The following RALGAPA2 variants were observed in gnomAD, a reference collection of about 807,000 sequenced individuals.
RALGAPA2 encodes ral GTPase-activating protein subunit alpha-2.
Under a neutral mutation model 230.4 loss-of-function variants are expected in RALGAPA2, and 139 were observed. The observed-to-expected ratio is 0.60, with a 90% CI of 0.53 to 0.69. The LOEUF is 0.69. RALGAPA2 is among the 30% of genes least tolerant of loss of function. The pLI is 0.00. For synonymous variants in RALGAPA2, 847 were observed against 837.8 expected, an observed-to-expected ratio of 1.01 and a Z score of -0.19; for missense variants, 2,163 against 2,276.0, an observed-to-expected ratio of 0.95 and a Z score of 1.01.
intron 5 of RALGAPA2, among the ~76,000 whole-genome samples, chr20:20,641,477 T>C (rs2067028507): frequency 6.6e-6 from 1 of 152,230 alleles, no homozygotes; most frequent in Non-Finnish European, 1.5e-5. Context: ...TTATACCTTA[T>C]GTCCCTATTC....
rs531816057 is a variant in RALGAPA2, at chr20:20,540,452, G to A, written c.3286-3668C>T. ...TATGTGCTAAAGACCAAGCAAATTC[G>A]ATACCGTCAGAAAGCTTAAAAGATA... On this transcript the variant is annotated intron_variant, in intron 24 of 39. Transcript: ENST00000202677. Among the ~76,000 whole-genome samples the A allele has an allele frequency of 2.0e-4, 31 of 152,242 alleles. No homozygotes were observed. The South Asian group carries it at 5.4e-3, about 27-fold the overall frequency.
At chr20:20,669,816 C>T (rs1350039436) in intron 3 of RALGAPA2, among the ~76,000 whole-genome samples, 5 of 152,142 alleles carry the variant, frequency 3.3e-5, no homozygotes, top group Non-Finnish European at 2.9e-5. Flanking sequence ...TGTTTCTGTG[C>T]CTTACCACAC....
chr20:20,399,234 C>T (rs1202549348), intron 38 of RALGAPA2, among the ~76,000 whole-genome samples: 1 of 150,946 alleles, frequency 6.6e-6, no homozygotes, highest in Non-Finnish European at 1.5e-5. Flanking sequence ...GTAATCCCAG[C>T]TACTTGGGAG....
At chr20:20,461,426 A>G (rs1199213908) in intron 37 of RALGAPA2, among the ~76,000 whole-genome samples, 1 of 152,232 alleles carries the variant, frequency 6.6e-6, no homozygotes, top group Admixed American at 6.5e-5. Context: ...AAGAAAACAC[A>G]CATCACAGCT....
At position 20,393,204 on chromosome 20, in the gene RALGAPA2, C is replaced by T; in HGVS notation, c.*85G>A. Reference sequence around the variant, plus strand: ...GCAGGAGAGGGTGTTCTGTCTCCTCCTCACTCAGGGGCTCTTCGAGGTCAG... The same window carrying T: ...GCAGGAGAGGGTGTTCTGTCTCCTCTTCACTCAGGGGCTCTTCGAGGTCAG... On this transcript the variant is annotated 3_prime_UTR_variant, in exon 40 of 40. Coordinates refer to ENST00000202677, the MANE Select transcript of RALGAPA2 (RefSeq NM_020343.4). 1.5e-6 allele frequency: 2 copies of T among 1,351,152 alleles called. No individual in the cohort carries two copies. The highest frequency in any genetic ancestry group is 1.2e-5 in the South Asian group (1 of 85,012). 83.7% of individuals were successfully genotyped at this position (1,351,152 alleles called of 1,614,324 possible).
chr20:20,494,208 T>G (rs2062140919), intron 36 of RALGAPA2, among the ~76,000 whole-genome samples: 1 of 152,222 alleles, frequency 6.6e-6, no homozygotes, highest in Non-Finnish European at 1.5e-5. Context: ...ATATGAACAA[T>G]AAATCTGTTG....
chr20:20,652,713 G>T (rs2067446769), intron 4 of RALGAPA2, among the ~76,000 whole-genome samples: 1 of 152,192 alleles, frequency 6.6e-6, no homozygotes, highest in Admixed American at 6.5e-5. Flanking sequence ...CAGAATTCAC[G>T]ATTGATTTCC....
At chr20:20,429,393 C>T (rs1399352734) in intron 37 of RALGAPA2, among the ~76,000 whole-genome samples, 1 of 152,122 alleles carries the variant, frequency 6.6e-6, no homozygotes, top group Non-Finnish European at 1.5e-5. Context: ...TCTTCTTTCT[C>T]CCCCCAGAAC....
At chr20:20,425,410 T>G (rs1317559287) in intron 37 of RALGAPA2, among the ~76,000 whole-genome samples, 1 of 152,246 alleles carries the variant, frequency 6.6e-6, no homozygotes, top group Non-Finnish European at 1.5e-5. Flanking sequence ...TTATTTGTTT[T>G]TTCTTCTGTG....
intron 19 of RALGAPA2, 123 bp from the exon 20 acceptor site, chr20:20,583,349 G>A: frequency 9.2e-7 from 1 of 1,087,964 alleles, no homozygotes; most frequent in Non-Finnish European, 1.3e-6. Flanking sequence ...CATGTTCTTT[G>A]GCAGAACCTG....
chr20:20,531,612 G>A (rs2063368797), intron 27 of RALGAPA2, 75 bp downstream of exon 27: 1 of 1,198,828 alleles, frequency 8.3e-7, no homozygotes, highest in Non-Finnish European at 1.2e-6. Context: ...AAAAAGATGG[G>A]GCTAATTCAA....
chr20:20,448,761 A>G (rs1490087088), intron 37 of RALGAPA2, among the ~76,000 whole-genome samples: 1 of 152,152 alleles, frequency 6.6e-6, no homozygotes. Flanking sequence ...AAGAAAATAT[A>G]GCTTTAAAAA....
intron 37 of RALGAPA2, among the ~76,000 whole-genome samples, chr20:20,415,798 A>G (rs2060153025): frequency 6.6e-6 from 1 of 152,226 alleles, no homozygotes; most frequent in Non-Finnish European, 1.5e-5. Flanking sequence ...GTTACATTTT[A>G]TCAAAAATTT....
At chr20:20,603,355 T>A (rs968043494) in intron 15 of RALGAPA2, among the ~76,000 whole-genome samples, 1 of 152,200 alleles carries the variant, frequency 6.6e-6, no homozygotes, top group Non-Finnish European at 1.5e-5. Flanking sequence ...TCAATGAAGA[T>A]ATAAGAATCC....
chr20:20,695,860 G>A (rs759093428), intron 1 of RALGAPA2, among the ~76,000 whole-genome samples: 98 of 152,142 alleles, frequency 6.4e-4, no homozygotes, highest in Admixed American at 5.2e-4. Context: ...ATCTGATGTG[G>A]AGCCAATCTG....
intron 36 of RALGAPA2, among the ~76,000 whole-genome samples, chr20:20,480,874 C>CTTA (rs1248460907): frequency 3.3e-5 from 5 of 152,190 alleles, no homozygotes. Flanking sequence ...AGTGCCCTCT[C>CTTA]CTAACATGAT....
intron 39 of RALGAPA2, among the ~76,000 whole-genome samples, chr20:20,395,229 T>C (rs1368879032): frequency 1.3e-5 from 2 of 152,240 alleles, no homozygotes; most frequent in Non-Finnish European, 2.9e-5. Context: ...CACAGTGCCC[T>C]ACACAGGCCT....
intron 1 of RALGAPA2, among the ~76,000 whole-genome samples, chr20:20,704,275 C>T (rs1465567746): frequency 6.6e-6 from 1 of 152,138 alleles, no homozygotes; most frequent in Admixed American, 6.5e-5. Context: ...CAGATCACAC[C>T]GTTCTGCATT....
intron 1 of RALGAPA2, among the ~76,000 whole-genome samples, chr20:20,698,690 G>A (rs146063977): frequency 7.2e-5 from 11 of 152,242 alleles, no homozygotes; most frequent in African/African-American, 2.6e-4. Flanking sequence ...GTGAGCTACC[G>A]TGCCTGGTCT....
Sources: gnomAD v4.1 joint callset for allele counts (sites outside exome capture counted in the v4.1 genomes callset) on GRCh38, gnomAD v4.1.1 for gene constraint, MANE v1.5 for transcripts, NCBI Gene and HGNC (gene_info 2026-07-23, HGNC 2026-07-21) for gene names.